The following RNMT variants were observed in gnomAD, a reference collection of about 807,000 sequenced individuals.
RNMT encodes mRNA cap guanine-N(7) methyltransferase.
RNMT carries 27 observed loss-of-function variants against 56.0 expected under a neutral mutation model. The ratio of observed to expected loss-of-function variants is 0.48; its 90% confidence interval spans 0.36 to 0.67. The LOEUF is 0.67. Among genes scored for constraint, RNMT ranks in the 30% least tolerant of loss-of-function variants. RNMT has a pLI of 0.00. For synonymous variants in RNMT, 184 were observed against 176.2 expected, an observed-to-expected ratio of 1.04 and a Z score of -0.35; for missense variants, 519 against 552.1, an observed-to-expected ratio of 0.94 and a Z score of 0.60.
chr18:13,761,687 T>C lies in RNMT; in HGVS notation c.*1708T>C, dbSNP rs937099075. 9.5e-7 allele frequency: 1 copy of C among 1,055,508 alleles called. No homozygotes were observed. Among genetic ancestry groups the C allele is most frequent in the African/African-American group, 1.7e-5 (1 of 58,220 alleles). 65.4% of individuals were successfully genotyped at this position (1,055,508 alleles called of 1,614,324 possible). ...GAACAGAAAGGAGCAGAGAGCAAGATTAGATCTGAGAAGATGCTCTGGGGA... is the reference window on the plus strand; with the variant it reads ...GAACAGAAAGGAGCAGAGAGCAAGACTAGATCTGAGAAGATGCTCTGGGGA... On this transcript the variant is annotated 3_prime_UTR_variant, in exon 12 of 12. Coordinates refer to ENST00000383314, the MANE Select transcript of RNMT (RefSeq NM_003799.3).
rs925756337 is a variant in RNMT, at chr18:13,763,340, C to T, written c.*3361C>T. Reference sequence around the variant, plus strand: ...GCACTGTCAGTTCTTCCCTCCCTCTCGTGCTGCTCAGTTTGTCCTCTGCTC... The same window carrying T: ...GCACTGTCAGTTCTTCCCTCCCTCTTGTGCTGCTCAGTTTGTCCTCTGCTC... On this transcript the variant is annotated 3_prime_UTR_variant, in exon 12 of 12. Transcript: ENST00000383314. The T allele has an allele frequency of 7.9e-5, 27 of 341,186 alleles. No homozygotes were observed. The highest frequency in any genetic ancestry group is 7.5e-4 in the East Asian group (10 of 13,398). The allele number at this position is 341,186 out of a possible 1,614,324, so 21.1% of individuals were successfully genotyped here. A position where few individuals can be genotyped will look rare whatever the true frequency, so the allele number is the denominator to read the frequency against.
At chr18:13,750,847 A>G (rs2044430806) in intron 9 of RNMT, among the ~76,000 whole-genome samples, 1 of 152,160 alleles carries the variant, frequency 6.6e-6, no homozygotes, top group Non-Finnish European at 1.5e-5. Context: ...CAAACCTGAC[A>G]AAAACAAGCA....
intron 8 of RNMT, 151 bp from the exon 9 acceptor site, chr18:13,746,069 C>G (rs1464250339): frequency 1.8e-6 from 1 of 554,364 alleles, no homozygotes; most frequent in East Asian, 3.2e-5. Context: ...ATATGTTACT[C>G]TTGATTCATT....
chr18:13,729,828 C>A (rs780727003), intron 1 of RNMT, among the ~76,000 whole-genome samples: 19 of 149,912 alleles, frequency 1.3e-4, no homozygotes, highest in Non-Finnish European at 2.4e-4. Context: ...TAAGTGGGGT[C>A]TCACTTTGTT....
intron 5 of RNMT, among the ~76,000 whole-genome samples, chr18:13,737,455 A>G (rs1385228882): frequency 1.3e-5 from 2 of 152,114 alleles, no homozygotes; most frequent in Admixed American, 1.3e-4. Context: ...AGGCAGGAGA[A>G]TCACTTTTAC....
intron 11 of RNMT, among the ~76,000 whole-genome samples, chr18:13,759,163 A>G (rs2044588993): frequency 6.6e-6 from 1 of 152,264 alleles, no homozygotes; most frequent in Non-Finnish European, 1.5e-5. Flanking sequence ...GTGACATAAA[A>G]ACCCGAAGCG....
At position 13,740,174 on chromosome 18, in the gene RNMT, C is replaced by T. The variant is rs184631287; in HGVS notation, c.687C>T (p.Ala229=). The T allele has an allele frequency of 1.3e-5, 21 of 1,603,650 alleles. No individual in the cohort carries two copies. In the Admixed American group the frequency reaches 2.5e-4, roughly 19 times the overall value. The part of the protein sequence containing the change: ...RINKLVCTDI[A]DVSVKQCQQR... ...ACCCTTCCATCCTTCCAGATATTGC[C>T]GATGTTTCTGTCAAACAGTGTCAGC... Residue 229 remains alanine (A), a synonymous_variant, in exon 6 of 12, where the codon GCC becomes GCT. Transcript: ENST00000383314.
intron 8 of RNMT, among the ~76,000 whole-genome samples, chr18:13,745,961 A>G (rs1006226088): frequency 1.3e-5 from 2 of 152,202 alleles, no homozygotes; most frequent in South Asian, 2.1e-4. Flanking sequence ...CGCATCTCAC[A>G]GCTCCGGAGA....
chr18:13,752,536 T>C (rs2044467562), intron 10 of RNMT, 109 bp downstream of exon 10: 1 of 673,146 alleles, frequency 1.5e-6, no homozygotes, highest in Admixed American at 2.7e-5. Context: ...GCTCACTGAC[T>C]TACAAATCAG....
At chr18:13,748,412 A>C (rs76745509) in intron 9 of RNMT, among the ~76,000 whole-genome samples, 2,060 of 152,258 alleles carry the variant, frequency 0.014, 23 homozygotes, top group Middle Eastern at 0.037. Flanking sequence ...ACCAGATAAG[A>C]GTTAGGACAC....
At chr18:13,738,122 G>T (rs1258884871) in intron 5 of RNMT, among the ~76,000 whole-genome samples, 1 of 152,086 alleles carries the variant, frequency 6.6e-6, no homozygotes, top group Non-Finnish European at 1.5e-5. Flanking sequence ...CACTACTGAA[G>T]TACTGCCCAA....
In RNMT at chr18:13,740,249, T is replaced by C. The variant is rs369516322; in HGVS notation, c.762T>C (p.Ser254=). The C allele has an allele frequency of 6.2e-7, 1 of 1,602,778 alleles. No homozygotes were observed. Among genetic ancestry groups the C allele is most frequent in the Non-Finnish European group, 8.5e-7 (1 of 1,169,690 alleles). ...KNRRDSEYIF[S]AEFITADSSK... ...GTCGTGATAGTGAATATATTTTCAG[T>C]GCAGAATTTATAACTGCTGACAGCT... The change falls in exon 6 of 12, where the codon AGT becomes AGC. Residue 254 remains serine (S), a synonymous_variant. Transcript: ENST00000383314.
In RNMT at chr18:13,731,540, A is replaced by T; in HGVS notation, c.23A>T (p.Glu8Val). ...TAAATGGCAAATTCTGCAAAAGCAGAAGAATATGAAAAGATGTCTCTTGAA... is the reference window on the plus strand; with the variant it reads ...TAAATGGCAAATTCTGCAAAAGCAGTAGAATATGAAAAGATGTCTCTTGAA... MANSAKA[E>V]EYEKMSLEQA... is the part of the protein sequence containing the mutation. Residue 8 changes from glutamate to valine, a missense_variant, in exon 3 of 12, where the codon GAA (glutamate) becomes GTA (valine). Coordinates refer to ENST00000383314, the MANE Select transcript of RNMT (RefSeq NM_003799.3). 1 of 1,594,898 alleles carries T rather than the reference A, an allele frequency of 6.3e-7. No individual in the cohort carries two copies. The highest frequency in any genetic ancestry group is 1.8e-5 in the Admixed American group (1 of 54,918).
intron 11 of RNMT, among the ~76,000 whole-genome samples, chr18:13,759,194 T>C (rs1390611316): frequency 6.6e-6 from 1 of 152,114 alleles, no homozygotes; most frequent in Non-Finnish European, 1.5e-5. Context: ...GTTGGAAAAA[T>C]GGTGCCAGTA....
At chr18:13,733,304 CTG>C (rs1226340139) in intron 3 of RNMT, among the ~76,000 whole-genome samples, 1 of 152,122 alleles carries the variant, frequency 6.6e-6, no homozygotes, top group Non-Finnish European at 1.5e-5. Context: ...AAATTGAAAA[CTG>C]TTGGGTTACA....
At chr18:13,751,588 AC>A (rs1427062078) in intron 9 of RNMT, among the ~76,000 whole-genome samples, 1 of 152,234 alleles carries the variant, frequency 6.6e-6, no homozygotes. Flanking sequence ...AACTAGAAAT[AC>A]CATTTGACCC....
chr18:13,749,339 G>GTTC (rs1390911473), intron 9 of RNMT, among the ~76,000 whole-genome samples: 1 of 152,212 alleles, frequency 6.6e-6, no homozygotes, highest in East Asian at 1.9e-4. Context: ...TTGGTAATCT[G>GTTC]TTCTTTCTTA....
chr18:13,748,880 G>A (rs1165536523), intron 9 of RNMT, among the ~76,000 whole-genome samples: 4 of 152,148 alleles, frequency 2.6e-5, no homozygotes, highest in Non-Finnish European at 5.9e-5. Context: ...AGGAGTTGTA[G>A]AGCAGCCTGG....
chr18:13,756,317 T>G (rs2044542078), intron 11 of RNMT, among the ~76,000 whole-genome samples: 1 of 152,204 alleles, frequency 6.6e-6, no homozygotes, highest in Non-Finnish European at 1.5e-5. Flanking sequence ...GAAAGAAAGT[T>G]GCTATTATGT....
Sources: gnomAD v4.1 joint callset for allele counts (sites outside exome capture counted in the v4.1 genomes callset) on GRCh38, gnomAD v4.1.1 for gene constraint, MANE v1.5 for transcripts, NCBI Gene and HGNC (gene_info 2026-07-23, HGNC 2026-07-21) for gene names.